GALNTL6: variants seen among roughly 807,000 people sequenced by gnomAD.
GALNTL6 encodes the protein polypeptide N-acetylgalactosaminyltransferase-like 6.
In GALNTL6, 46 loss-of-function variants were observed where a neutral mutation model predicts 73.7. That is an observed-to-expected ratio of 0.62 (90% CI 0.49 to 0.80). The LOEUF is 0.80. GALNTL6 is among the 30% of genes least tolerant of loss of function. The pLI, the probability that GALNTL6 is intolerant of heterozygous loss-of-function variation, is 0.00. For synonymous variants in GALNTL6, 259 were observed against 263.7 expected (o/e 0.98, Z 0.17); for missense variants, 604 against 755.0 (o/e 0.80, Z 2.34).
chr4:171,837,890 C>T (rs939357171), intron 2 of GALNTL6, among the ~76,000 whole-genome samples: 4 of 150,638 alleles, frequency 2.7e-5, no homozygotes, highest in African/African-American at 7.3e-5. Flanking sequence ...TCCAGCAAAC[C>T]CTCTTTTATC....
intron 10 of GALNTL6, among the ~76,000 whole-genome samples, chr4:172,954,761 C>T (rs1345089560): frequency 1.3e-5 from 2 of 152,156 alleles, no homozygotes; most frequent in African/African-American, 2.4e-5. Context: ...AGCCACCACA[C>T]CCGGCAACAG....
intron 11 of GALNTL6, among the ~76,000 whole-genome samples, chr4:173,011,402 TG>T (rs1157683620): frequency 6.6e-6 from 1 of 152,200 alleles, no homozygotes; most frequent in Non-Finnish European, 1.5e-5. Flanking sequence ...TGCCTGTGCT[TG>T]GGGGGTATTA....
chr4:172,396,323 T>C (rs910328045), intron 5 of GALNTL6, among the ~76,000 whole-genome samples: 1 of 151,798 alleles, frequency 6.6e-6, no homozygotes, highest in Non-Finnish European at 1.5e-5. Flanking sequence ...TTTCTTTTTT[T>C]TTTTTTTAAG....
At position 172,236,654 on chromosome 4, in the gene GALNTL6, G is replaced by C. The variant is rs530768270; in HGVS notation, c.247+6890G>C. Among the ~76,000 whole-genome samples the C allele has an allele frequency of 2.6e-5, 4 of 151,486 alleles. No homozygotes were observed. In the East Asian group the frequency reaches 5.8e-4, roughly 22 times the overall value. ...ATTAATGTTGTTACATTACATTTCT[G>C]TTTCGTTCTGGTAATTACACCTCTG... On this transcript the variant is annotated intron_variant, in intron 3 of 12. Coordinates refer to ENST00000506823, the MANE Select transcript of GALNTL6 (RefSeq NM_001034845.3).
chr4:172,131,802 A>G (rs1225486181), intron 2 of GALNTL6, among the ~76,000 whole-genome samples: 3 of 151,758 alleles, frequency 2.0e-5, no homozygotes, highest in Admixed American at 6.6e-5. Flanking sequence ...CTGACTTACT[A>G]CACTGTTCAT....
chr4:172,486,800 A>G (rs1228919030), intron 5 of GALNTL6, among the ~76,000 whole-genome samples: 1 of 152,210 alleles, frequency 6.6e-6, no homozygotes, highest in Non-Finnish European at 1.5e-5. Context: ...AGATGCCCCA[A>G]AATTCCCTCT....
At chr4:172,788,565 G>C (rs1445311464) in intron 5 of GALNTL6, among the ~76,000 whole-genome samples, 2 of 151,580 alleles carry the variant, frequency 1.3e-5, no homozygotes, top group Admixed American at 6.6e-5. Context: ...CCAGCTACTC[G>C]GGAGGCTGAG....
intron 5 of GALNTL6, among the ~76,000 whole-genome samples, chr4:172,488,266 G>C (rs1733767962): frequency 6.6e-6 from 1 of 152,158 alleles, no homozygotes. Flanking sequence ...CTCCAGAACA[G>C]GCCTCCTCTA....
intron 2 of GALNTL6, among the ~76,000 whole-genome samples, chr4:171,938,222 C>T (rs545926254): frequency 6.6e-6 from 1 of 152,216 alleles, no homozygotes; most frequent in East Asian, 1.9e-4. Context: ...TCCCCAGTCT[C>T]CAGCCCAAGG....
intron 7 of GALNTL6, among the ~76,000 whole-genome samples, chr4:172,832,427 AG>A (rs1742688084): frequency 6.6e-6 from 1 of 152,224 alleles, no homozygotes; most frequent in South Asian, 2.1e-4. Context: ...GAGACTCTAA[AG>A]GTCTTTCTCA....
intron 5 of GALNTL6, among the ~76,000 whole-genome samples, chr4:172,580,595 C>A (rs572663421): frequency 6.6e-6 from 1 of 152,092 alleles, no homozygotes; most frequent in Non-Finnish European, 1.5e-5. Context: ...TCTTCTCTAT[C>A]GTTAGGAATT....
At chr4:171,992,461 CA>C (rs1414777575) in intron 2 of GALNTL6, among the ~76,000 whole-genome samples, 2 of 151,962 alleles carry the variant, frequency 1.3e-5, no homozygotes, top group Non-Finnish European at 2.9e-5. Flanking sequence ...CAGTGCAGAA[CA>C]GGTAATATTG....
At position 172,809,671 on chromosome 4, in the gene GALNTL6, A is replaced by G; in HGVS notation, c.739+125A>G. 1 of 659,502 alleles carries G rather than the reference A, an allele frequency of 1.5e-6. No homozygotes were observed. 40.9% of individuals were successfully genotyped at this position (659,502 alleles called of 1,614,324 possible). On this transcript the variant is annotated intron_variant, in intron 6 of 12. Transcript: ENST00000506823. This position sits in a 1 kb window ranked among gnomAD's most constrained non-coding sequence, Gnocchi z 4.4. ...TACAAGTTTTCCAGGGGAAGCCTTG[A>G]ATTTTATATTTACCACTGCTGAAAA...
intron 2 of GALNTL6, among the ~76,000 whole-genome samples, chr4:171,877,631 GAA>G (rs200226807): frequency 7.1e-6 from 1 of 141,132 alleles, no homozygotes. Context: ...TCACTCAAGT[GAA>G]AAAAAAAAAA....
intron 2 of GALNTL6, among the ~76,000 whole-genome samples, chr4:172,057,089 G>A (rs1396370799): frequency 6.6e-6 from 1 of 151,996 alleles, no homozygotes; most frequent in African/African-American, 2.4e-5. Flanking sequence ...TTTGCCTAAT[G>A]TATGTTACTT....
intron 2 of GALNTL6, among the ~76,000 whole-genome samples, chr4:172,108,870 G>A (rs557185642): frequency 9.2e-5 from 14 of 151,786 alleles, no homozygotes; most frequent in Admixed American, 7.2e-4. Flanking sequence ...AAAATTAGCC[G>A]GGCATGGTAG....
chr4:172,714,470 G>C (rs533750122), intron 5 of GALNTL6, among the ~76,000 whole-genome samples: 2 of 152,210 alleles, frequency 1.3e-5, no homozygotes, highest in South Asian at 2.1e-4. Flanking sequence ...AGTAAGAAAG[G>C]CTTCAATACA....
chr4:172,882,382 G>C (rs77673975), intron 7 of GALNTL6, among the ~76,000 whole-genome samples: 1 of 152,078 alleles, frequency 6.6e-6, no homozygotes. Context: ...GTCTACAAAA[G>C]CATTTTCAAT....
chr4:172,979,058 C>T (rs1159871932), intron 10 of GALNTL6, among the ~76,000 whole-genome samples: 3 of 152,196 alleles, frequency 2.0e-5, no homozygotes, highest in Admixed American at 1.3e-4. Context: ...GAGTAATCAA[C>T]GTAAGTCACC....
Sources: allele counts gnomAD v4.1 joint callset (sites outside exome capture counted in the v4.1 genomes callset), GRCh38; gene constraint gnomAD v4.1.1; non-coding constraint Gnocchi (gnomAD v3.1); transcripts MANE v1.5; gene names NCBI Gene and HGNC (gene_info 2026-07-23, HGNC 2026-07-21).